LY96: variants seen among roughly 807,000 people sequenced by gnomAD.
LY96 encodes the protein lymphocyte antigen 96.
In LY96, 18 loss-of-function variants were observed where a neutral mutation model predicts 18.9. The observed-to-expected ratio is 0.95, with a 90% CI of 0.66 to 1.41. The LOEUF is 1.41. Ranked by LOEUF, LY96 falls within the 40% of genes most tolerant of loss-of-function variation. The pLI, the probability that LY96 is intolerant of heterozygous loss-of-function variation, is 0.00. For synonymous variants in LY96, 66 were observed against 62.6 expected, an observed-to-expected ratio of 1.06 and a Z score of -0.26; for missense variants, 175 against 182.4, an observed-to-expected ratio of 0.96 and a Z score of 0.23.
chr8:74,077,404 C>T, the LY96 span, among the ~76,000 whole-genome samples: 8,270 of 152,198 alleles, frequency 0.054, 704 homozygotes, highest in African/African-American at 0.18. Flanking sequence ...GCCTTATTTA[C>T]ACTACAGGTG....
the LY96 span, among the ~76,000 whole-genome samples, chr8:74,054,150 C>T: frequency 6.6e-6 from 1 of 152,162 alleles, no homozygotes; most frequent in African/African-American, 2.4e-5. Flanking sequence ...ATCTCAGGCT[C>T]CTGAGTAGCT....
At chr8:74,010,278 AT>A in intron 3 of LY96, 149 bp downstream of exon 3, 1 of 672,872 alleles carries the variant, frequency 1.5e-6, no homozygotes, top group Non-Finnish European at 2.5e-6. Flanking sequence ...CTTAAATAAC[AT>A]TTTATAACTA....
At chr8:74,007,923 C>T (rs1816447895) in intron 2 of LY96, among the ~76,000 whole-genome samples, 3 of 152,190 alleles carry the variant, frequency 2.0e-5, no homozygotes, top group Admixed American at 2.0e-4. Flanking sequence ...CTGCACCCAG[C>T]TAATTTTTGT....
chr8:74,071,066 G>A, the LY96 span, among the ~76,000 whole-genome samples: 1 of 152,102 alleles, frequency 6.6e-6, no homozygotes, highest in Admixed American at 6.6e-5. Flanking sequence ...GAAACTGAGA[G>A]ACTAGTAACT....
chr8:74,081,031 T>TTTCTTTCTTTCA, the LY96 span, among the ~76,000 whole-genome samples: 2 of 123,922 alleles, frequency 1.6e-5, no homozygotes, highest in Non-Finnish European at 3.2e-5. Context: ...TCTTTCTTTC[T>TTTCTTTCTTTCA]TTCTTTCTTT....
the LY96 span, among the ~76,000 whole-genome samples, chr8:74,039,645 G>A: frequency 6.6e-6 from 1 of 152,228 alleles, no homozygotes; most frequent in African/African-American, 2.4e-5. Flanking sequence ...CATAGGACAG[G>A]GGGCCCTTCC....
In LY96 at chr8:73,996,357, C is replaced by A. The variant is rs59293223; in HGVS notation, c.112+4803C>A. Among the ~76,000 whole-genome samples, 447 of 104,892 alleles carry A rather than the reference C, an allele frequency of 4.3e-3. 1 individual carries two copies. The highest frequency in any genetic ancestry group is 9.1e-3 in the African/African-American group (264 of 28,934). The allele number at this position is 104,892 out of a possible 152,430, so 68.8% of individuals were successfully genotyped here. ...CCTTCCTTCCTTCCTTCCTTCCTTC[C>A]TTCCTTCCTTCATTCCTTTCTTTCT... On this transcript the variant is annotated intron_variant, in intron 1 of 4. Transcript: ENST00000284818.
intron 2 of LY96, 67 bp downstream of exon 2, chr8:74,004,952 G>T (rs1586650645): frequency 3.3e-6 from 5 of 1,497,470 alleles, no homozygotes; most frequent in African/African-American, 2.8e-5. Flanking sequence ...ATAAATGATT[G>T]TGTTTCAAAT....
At chr8:73,992,865 T>C (rs978898529) in intron 1 of LY96, among the ~76,000 whole-genome samples, 6 of 150,038 alleles carry the variant, frequency 4.0e-5, no homozygotes, top group Non-Finnish European at 8.8e-5. Context: ...TGTGTGTGTG[T>C]GTGTGTGTGT....
the LY96 span, among the ~76,000 whole-genome samples, chr8:74,079,384 T>C: frequency 3.9e-5 from 6 of 152,208 alleles, no homozygotes; most frequent in African/African-American, 1.4e-4. Flanking sequence ...TAGGTCTATT[T>C]CTCTGGAGAA....
downstream of LY96, among the ~76,000 whole-genome samples, chr8:74,030,202 A>T (rs759809858): frequency 6.6e-6 from 1 of 152,066 alleles, no homozygotes; most frequent in Non-Finnish European, 1.5e-5. Context: ...GGAGTTTCTG[A>T]GTTGTTTACC....
the LY96 span, among the ~76,000 whole-genome samples, chr8:74,043,166 A>G: frequency 6.6e-6 from 1 of 152,248 alleles, no homozygotes; most frequent in Non-Finnish European, 1.5e-5. Flanking sequence ...TGTCTGGCAC[A>G]TAGAGGTGCC....
chr8:74,081,710 G>A, the LY96 span, among the ~76,000 whole-genome samples: 4 of 152,018 alleles, frequency 2.6e-5, no homozygotes, highest in Non-Finnish European at 5.9e-5. Context: ...CTGGAGTGCA[G>A]TGGCATGATC....
the LY96 span, among the ~76,000 whole-genome samples, chr8:74,049,310 G>T: frequency 6.6e-6 from 1 of 152,116 alleles, no homozygotes; most frequent in African/African-American, 2.4e-5. Flanking sequence ...CATACCACTC[G>T]TGATTGCCTA....
At chr8:74,005,949 C>T (rs1247171752) in intron 2 of LY96, among the ~76,000 whole-genome samples, 1 of 152,158 alleles carries the variant, frequency 6.6e-6, no homozygotes, top group African/African-American at 2.4e-5. Context: ...TAAGCTTAAA[C>T]ATTTTCCCCC....
At chr8:74,015,554 C>A (rs1200338374) in intron 3 of LY96, among the ~76,000 whole-genome samples, 1 of 152,192 alleles carries the variant, frequency 6.6e-6, no homozygotes, top group Non-Finnish European at 1.5e-5. Context: ...TGGACTAGGG[C>A]CCACCCTAAT....
chr8:74,019,574 G>T (rs1368008191), intron 3 of LY96, among the ~76,000 whole-genome samples: 1 of 152,126 alleles, frequency 6.6e-6, no homozygotes, highest in Non-Finnish European at 1.5e-5. Flanking sequence ...ATTTTATGAG[G>T]CCAGCATCAT....
chr8:74,042,605 G>A, the LY96 span, among the ~76,000 whole-genome samples: 1 of 152,144 alleles, frequency 6.6e-6, no homozygotes, highest in Non-Finnish European at 1.5e-5. Context: ...ATAGCACTGA[G>A]GTAAGAGGTT....
intron 1 of LY96, among the ~76,000 whole-genome samples, chr8:73,996,364 CCTTCATTCCTTTCTTTCTTTCTTTCTTT>C (rs1816131332): frequency 2.8e-4 from 25 of 89,328 alleles, no homozygotes; most frequent in African/African-American, 9.0e-4. Context: ...TTCCTTCCTT[CCTTCATTCCTTTCTTTCTTTCTTTCTTT>C]CTTTCTTTCT....
Sources: allele counts gnomAD v4.1 joint callset (sites outside exome capture counted in the v4.1 genomes callset), GRCh38; gene constraint gnomAD v4.1.1; transcripts MANE v1.5; gene names NCBI Gene and HGNC (gene_info 2026-07-23, HGNC 2026-07-21).